Variants in HOXB3 observed in about 807,000 individuals in gnomAD.
HOXB3 encodes homeobox protein Hox-B3.
HOXB3 carries 17 observed loss-of-function variants against 29.2 expected under a neutral mutation model. The ratio of observed to expected loss-of-function variants is 0.58; its 90% CI spans 0.40 to 0.87. HOXB3 has a LOEUF of 0.87. Ranked by LOEUF, HOXB3 falls within the 40% of genes least tolerant of loss-of-function variation. The probability of loss-of-function intolerance (pLI) is 0.00; values close to 1 mark genes in which losing one functional copy is unlikely to be tolerated. For missense variants in HOXB3, 637 were observed against 616.3 expected (o/e 1.03, Z -0.35); for synonymous variants, 317 against 285.9 (o/e 1.11, Z -1.10).
intron 1 of HOXB3, among the ~76,000 whole-genome samples, chr17:48,586,576 A>T (rs892379561): frequency 1.3e-5 from 2 of 152,204 alleles, no homozygotes; most frequent in Non-Finnish European, 2.9e-5. Context: ...TTGATGAGAT[A>T]TGAGCGTTGA....
At chr17:48,582,283 G>A (rs963539461) in intron 1 of HOXB3, 3 of 152,298 alleles carry the variant, frequency 2.0e-5, no homozygotes, top group African/African-American at 7.2e-5. Context: ...CGCGGGCGAG[G>A]GTACTCACCG....
intron 1 of HOXB3, chr17:48,582,365 T>C (rs1206502411): frequency 1.3e-5 from 2 of 151,854 alleles, no homozygotes; most frequent in Non-Finnish European, 2.9e-5. Context: ...CTCTCTCCTG[T>C]CCACTATTGT....
Position 48,577,920 on chromosome 17 carries a change from A to T in HOXB3, c.-424-3906T>A, listed in dbSNP as rs757646666. ...TAGACGACGGGCTCTTTGCACGCGG[A>T]GTGGGACGGGCTGGGGTGCAGGGGG... is the stretch of plus-strand genomic sequence containing the variant. On this transcript the variant is annotated intron_variant, in intron 1 of 4. Coordinates refer to ENST00000498678, the MANE Select transcript of HOXB3 (RefSeq NM_001384749.1). 3.6e-6 allele frequency: 5 copies of T among 1,371,446 alleles called. No individual in the cohort carries two copies. In the Admixed American group the frequency reaches 1.5e-4, roughly 41 times the overall value. The allele number at this position is 1,371,446 out of a possible 1,614,324, so 85.0% of individuals were successfully genotyped here.
chr17:48,564,437 C>T (rs954811845), intron 2 of HOXB3, among the ~76,000 whole-genome samples: 13 of 152,202 alleles, frequency 8.5e-5, no homozygotes, highest in African/African-American at 3.1e-4. Flanking sequence ...CCGCCCCCGC[C>T]CCCGCCCCCG....
chr17:48,586,884 G>A (rs1311218305), intron 1 of HOXB3, among the ~76,000 whole-genome samples: 1 of 152,136 alleles, frequency 6.6e-6, no homozygotes, highest in African/African-American at 2.4e-5. Context: ...AGGAAGGTGA[G>A]GGGGGAGGTT....
intron 2 of HOXB3, among the ~76,000 whole-genome samples, chr17:48,565,694 A>G (rs2069366769): frequency 1.3e-5 from 2 of 152,206 alleles, no homozygotes; most frequent in African/African-American, 4.8e-5. Flanking sequence ...CCCTCTATCC[A>G]GAGAAATTCT....
At chr17:48,555,756 A>C in intron 2 of HOXB3, 138 bp from the exon 3 acceptor site, 1 of 633,978 alleles carries the variant, frequency 1.6e-6, no homozygotes. Context: ...GTCCGCTTCA[A>C]TTCACTCGGC....
At chr17:48,563,307 G>C (rs922283733) in intron 2 of HOXB3, among the ~76,000 whole-genome samples, 4 of 152,218 alleles carry the variant, frequency 2.6e-5, no homozygotes, top group African/African-American at 9.7e-5. Context: ...ACAAGGGGCA[G>C]TGTGTCTAGA....
rs2068906911 is a variant in HOXB3, at chr17:48,555,001, G to C, written c.-159+530C>G. On this transcript the variant is annotated intron_variant, in intron 3 of 4. Coordinates refer to ENST00000498678, the MANE Select transcript of HOXB3 (RefSeq NM_001384749.1). ...CAGGTTCCATATGGCTCCTCGGGAG[G>C]GAGGGAGGGAGACGGTGGCTGCCGG... 3.3e-5 allele frequency among the ~76,000 whole-genome samples: 5 copies of C among 152,192 alleles called. No individual in the cohort carries two copies. In the South Asian group the frequency reaches 1.0e-3, roughly 32 times the overall value.
rs139877335 is a variant in HOXB3, at chr17:48,569,956, T to G, written c.-247+3881A>C. Among the ~76,000 whole-genome samples, 50 of 152,258 alleles carry G rather than the reference T, an allele frequency of 3.3e-4. No individual in the cohort carries two copies. The Middle Eastern group carries it at 0.014, about 41-fold the overall frequency. ...TAGAGACAAAGACTGGGACTAAGGT[T>G]TCTACACAAAAGAATCGGACTGTCA... On this transcript the variant is annotated intron_variant, in intron 2 of 4. Coordinates refer to ENST00000498678, the MANE Select transcript of HOXB3 (RefSeq NM_001384749.1).
Position 48,573,818 on chromosome 17 carries a change from C to T in HOXB3, c.-247+19G>A, listed in dbSNP as rs576400786. 1.0e-5 allele frequency: 7 copies of T among 701,568 alleles called. No individual in the cohort carries two copies. The highest frequency in any genetic ancestry group is 1.6e-5 in the Non-Finnish European group (6 of 384,666). 43.5% of individuals were successfully genotyped at this position (701,568 alleles called of 1,614,324 possible). Reference sequence around the variant, plus strand: ...ATAAAACGATCAAAACACGCCAGCCCGGGCCCGGGCTTTGTTACCTTTGCG... The same window carrying T: ...ATAAAACGATCAAAACACGCCAGCCTGGGCCCGGGCTTTGTTACCTTTGCG... On this transcript the variant is annotated intron_variant, in intron 2 of 4. Coordinates refer to ENST00000498678, the MANE Select transcript of HOXB3 (RefSeq NM_001384749.1).
At chr17:48,572,175 G>A (rs1324926530) in intron 2 of HOXB3, among the ~76,000 whole-genome samples, 2 of 152,114 alleles carry the variant, frequency 1.3e-5, no homozygotes, top group Non-Finnish European at 2.9e-5. Flanking sequence ...GGCTAACCTG[G>A]GACAGCAGGC....
chr17:48,555,369 GGAGGGA>G, intron 3 of HOXB3, 156 bp downstream of exon 3: 3 of 204,672 alleles, frequency 1.5e-5, no homozygotes, highest in Non-Finnish European at 2.9e-5. Flanking sequence ...AGAGAGGGAG[GGAGGGA>G]GGGAGGGAGG....
intron 2 of HOXB3, among the ~76,000 whole-genome samples, chr17:48,567,376 G>A (rs2069424843): frequency 6.6e-6 from 1 of 152,200 alleles, no homozygotes; most frequent in Admixed American, 6.5e-5. Flanking sequence ...AAATATCACA[G>A]ATAATCGTGG....
chr17:48,559,352 G>C (rs2069114607), intron 2 of HOXB3, among the ~76,000 whole-genome samples: 1 of 152,184 alleles, frequency 6.6e-6, no homozygotes, highest in Non-Finnish European at 1.5e-5. Flanking sequence ...TCAGACTTGG[G>C]GCAGTCAAGG....
chr17:48,586,911 A>T (rs980850291), intron 1 of HOXB3, among the ~76,000 whole-genome samples: 2 of 152,150 alleles, frequency 1.3e-5, no homozygotes, highest in African/African-American at 4.8e-5. Flanking sequence ...TCTAGAAAGG[A>T]TGCTCACTAA....
At chr17:48,557,885 C>T (rs2069049443) in intron 2 of HOXB3, among the ~76,000 whole-genome samples, 1 of 151,994 alleles carries the variant, frequency 6.6e-6, no homozygotes, top group African/African-American at 2.4e-5. Context: ...CATGTGGCTG[C>T]AAAAAGTCTG....
At chr17:48,555,662 G>GCCCCCCCCCC in intron 2 of HOXB3, 44 bp from the exon 3 acceptor site, 1 of 693,296 alleles carries the variant, frequency 1.4e-6, no homozygotes, top group Non-Finnish European at 2.6e-6. Context: ...AAGCTGCGTC[G>GCCCCCCCCCC]CCCCCCGCCC....
chr17:48,551,126 G>A lies in HOXB3; in HGVS notation c.504C>T (p.Ser168=), dbSNP rs1356216077. Residue 168 remains serine, a synonymous_variant, in exon 5 of 5, where the codon AGC becomes AGT. Coordinates refer to ENST00000498678, the MANE Select transcript of HOXB3 (RefSeq NM_001384749.1). ...CCCCGCCGCCGCCGCCACCGCCCCC[G>A]CTGCCACCACTGCCTCCGCCGCCGC... is the stretch of plus-strand genomic sequence containing the variant. ...GGGGGGGSGG[S]GGGGGGGGGG... The A allele has an allele frequency of 6.0e-6, 8 of 1,332,110 alleles. No homozygotes were observed. Among genetic ancestry groups the A allele is most frequent in the African/African-American group, 1.6e-5 (1 of 64,244 alleles). 82.5% of individuals were successfully genotyped at this position (1,332,110 alleles called of 1,614,324 possible).
Sources: allele counts gnomAD v4.1 joint callset (sites outside exome capture counted in the v4.1 genomes callset), GRCh38; gene constraint gnomAD v4.1.1; transcripts MANE v1.5; gene names NCBI Gene and HGNC (gene_info 2026-07-23, HGNC 2026-07-21).